PTPRK: variants seen among roughly 807,000 people sequenced by gnomAD.
PTPRK encodes the protein protein tyrosine phosphatase receptor type K.
In PTPRK, 75 loss-of-function variants were observed where a neutral mutation model predicts 178.0. The ratio of observed to expected loss-of-function variants is 0.42; its 90% CI spans 0.35 to 0.51. The LOEUF (loss-of-function observed/expected upper bound fraction) is 0.51, where lower values mean the gene tolerates loss of function less well. Ranked by LOEUF, PTPRK falls within the 20% of genes least tolerant of loss-of-function variation. The probability of loss-of-function intolerance (pLI) is 0.02; values close to 1 mark genes in which losing one functional copy is unlikely to be tolerated. For missense variants in PTPRK, 1,441 were observed against 1,797.8 expected (o/e 0.80, Z 3.59); for synonymous variants, 637 against 620.6 (o/e 1.03, Z -0.39).
intron 6 of PTPRK, among the ~76,000 whole-genome samples, chr6:128,193,215 C>T (rs1322094062): frequency 1.9e-5 from 2 of 104,626 alleles, no homozygotes; most frequent in Non-Finnish European, 3.5e-5. Flanking sequence ...TTGACTGGAA[C>T]AAAAGAACAC....
At chr6:128,340,539 A>C (rs1206157336) in intron 2 of PTPRK, among the ~76,000 whole-genome samples, 1 of 152,218 alleles carries the variant, frequency 6.6e-6, no homozygotes, top group Non-Finnish European at 1.5e-5. Flanking sequence ...ACATGAGTAA[A>C]ATCCCAAGCT....
intron 7 of PTPRK, among the ~76,000 whole-genome samples, chr6:128,166,062 T>C (rs925057420): frequency 2.0e-5 from 3 of 151,644 alleles, no homozygotes; most frequent in Admixed American, 6.6e-5. Flanking sequence ...TTGGCTTTAG[T>C]ATTAACTGTT....
At chr6:128,205,007 C>T (rs910646028) in intron 6 of PTPRK, among the ~76,000 whole-genome samples, 1 of 152,098 alleles carries the variant, frequency 6.6e-6, no homozygotes, top group African/African-American at 2.4e-5. Flanking sequence ...GACATGCAAT[C>T]AACCTAGATG....
At chr6:128,307,712 T>C (rs149940990) in intron 3 of PTPRK, among the ~76,000 whole-genome samples, 22 of 152,196 alleles carry the variant, frequency 1.4e-4, no homozygotes, top group African/African-American at 5.1e-4. Context: ...GAAAACATGC[T>C]CAACCTCAAT....
chr6:128,141,482 A>C (rs548152816), intron 7 of PTPRK, among the ~76,000 whole-genome samples: 1 of 152,006 alleles, frequency 6.6e-6, no homozygotes, highest in Admixed American at 6.6e-5. Context: ...TACTTTAGTC[A>C]TTCACATATA....
chr6:128,251,090 C>T (rs1816387636), intron 3 of PTPRK, among the ~76,000 whole-genome samples: 1 of 152,142 alleles, frequency 6.6e-6, no homozygotes, highest in South Asian at 2.1e-4. Flanking sequence ...CCTTGAGACT[C>T]TGAAACTGAT....
intron 13 of PTPRK, among the ~76,000 whole-genome samples, chr6:128,040,763 T>A (rs900401250): frequency 2.6e-5 from 4 of 152,092 alleles, no homozygotes; most frequent in African/African-American, 9.7e-5. Flanking sequence ...TGCAAGCACC[T>A]GAATTTCTAT....
intron 3 of PTPRK, among the ~76,000 whole-genome samples, chr6:128,262,571 T>C (rs1388804062): frequency 6.6e-6 from 1 of 151,974 alleles, no homozygotes; most frequent in East Asian, 1.9e-4. Context: ...TACAGAGCTA[T>C]GGAGGGGGCA....
chr6:127,973,069 C>CA lies in PTPRK; in HGVS notation c.4221dup (p.Ala1408CysfsTer24). The CA allele has an allele frequency of 6.2e-7, 1 of 1,614,114 alleles. No individual in the cohort carries two copies. The highest frequency in any genetic ancestry group is 8.5e-7 in the Non-Finnish European group (1 of 1,179,968). ...TTGCTGTTCCTCAGTGTCTTTACTG[C>CA]ATGGAAAACATCGACAACATTTTGC... On this transcript the variant is annotated frameshift_variant, in exon 29 of 30. Coordinates refer to ENST00000368226, the MANE Select transcript of PTPRK (RefSeq NM_002844.4). LOFTEE classifies it high-confidence loss of function.
intron 1 of PTPRK, among the ~76,000 whole-genome samples, chr6:128,415,632 C>T (rs1175484980): frequency 6.6e-6 from 1 of 152,136 alleles, no homozygotes; most frequent in East Asian, 1.9e-4. Flanking sequence ...AGCCACTGAG[C>T]AGCATCTGAA....
intron 1 of PTPRK, among the ~76,000 whole-genome samples, chr6:128,437,687 G>GAATA (rs2128398520): frequency 6.6e-6 from 1 of 152,328 alleles, no homozygotes; most frequent in Admixed American, 6.5e-5. Context: ...TTGCTAGAAA[G>GAATA]AATAGAATGA....
intron 5 of PTPRK, among the ~76,000 whole-genome samples, chr6:128,229,089 G>A (rs148935163): frequency 5.1e-4 from 78 of 152,124 alleles, no homozygotes; most frequent in African/African-American, 8.0e-4. Flanking sequence ...TGTTTCTGAC[G>A]TACAAAATTA....
intron 3 of PTPRK, among the ~76,000 whole-genome samples, chr6:128,267,105 A>G (rs1819079546): frequency 6.6e-6 from 1 of 152,108 alleles, no homozygotes; most frequent in South Asian, 2.1e-4. Flanking sequence ...AGGCTCATAT[A>G]TTAATGCTGA....
At chr6:128,253,874 AC>A (rs1431412541) in intron 3 of PTPRK, among the ~76,000 whole-genome samples, 1 of 152,220 alleles carries the variant, frequency 6.6e-6, no homozygotes, top group East Asian at 1.9e-4. Flanking sequence ...AAGAAAAGCA[AC>A]CTTTAAGTAA....
intron 7 of PTPRK, among the ~76,000 whole-genome samples, chr6:128,176,416 CA>C (rs1422391198): frequency 1.3e-5 from 2 of 151,830 alleles, no homozygotes; most frequent in South Asian, 4.2e-4. Flanking sequence ...TCTTTAAACT[CA>C]ACTTCACTGA....
At chr6:128,354,673 G>A (rs1833728026) in intron 2 of PTPRK, among the ~76,000 whole-genome samples, 1 of 152,238 alleles carries the variant, frequency 6.6e-6, no homozygotes, top group Admixed American at 6.5e-5. Flanking sequence ...GTAAGGCAAT[G>A]TGCTAAGCAT....
At position 127,996,890 on chromosome 6, in the gene PTPRK, T is replaced by A. The variant is rs756481085; in HGVS notation, c.2767+11A>T. Reference sequence around the variant, plus strand: ...ATATTTACATTCACCAAGAATTGAATGGGAACTTACATGCTATAATGTTTC... The same window carrying A: ...ATATTTACATTCACCAAGAATTGAAAGGGAACTTACATGCTATAATGTTTC... On this transcript the variant is annotated intron_variant, in intron 17 of 29. Transcript: ENST00000368226. 6.8e-6 allele frequency: 11 copies of A among 1,606,728 alleles called. No homozygotes were observed. In the South Asian group the frequency reaches 1.1e-4, roughly 16 times the overall value.
intron 27 of PTPRK, among the ~76,000 whole-genome samples, chr6:127,974,404 T>C (rs1774276138): frequency 6.6e-6 from 1 of 152,230 alleles, no homozygotes; most frequent in East Asian, 1.9e-4. Context: ...CTTCTTGCCT[T>C]GGGGACTTTG....
At chr6:127,973,560 T>C in intron 28 of PTPRK, 104 bp downstream of exon 28, 1 of 1,338,812 alleles carries the variant, frequency 7.5e-7, no homozygotes, top group Non-Finnish European at 1.0e-6. Context: ...AAAAATAACA[T>C]CTATGGGAGG....
Sources: allele counts gnomAD v4.1 joint callset (sites outside exome capture counted in the v4.1 genomes callset), GRCh38; gene constraint gnomAD v4.1.1; transcripts MANE v1.5; gene names NCBI Gene and HGNC (gene_info 2026-07-23, HGNC 2026-07-21).